The following STXBP5L variants were observed in gnomAD, a reference collection of about 807,000 sequenced individuals.
STXBP5L encodes syntaxin-binding protein 5-like.
In STXBP5L, 65 loss-of-function variants were observed where a neutral mutation model predicts 144.5. The ratio of observed to expected loss-of-function variants is 0.45; its 90% CI spans 0.37 to 0.55. The LOEUF (loss-of-function observed/expected upper bound fraction) is 0.55, where lower values mean the gene tolerates loss of function less well. Ranked by LOEUF, STXBP5L falls within the 20% of genes least tolerant of loss-of-function variation. The pLI is 0.00. For missense variants in STXBP5L, 1,298 were observed against 1,405.5 expected, an observed-to-expected ratio of 0.92 and a Z score of 1.22; for synonymous variants, 505 against 469.6, an observed-to-expected ratio of 1.08 and a Z score of -0.97.
chr3:121,010,799 A>G (rs1422256895), intron 3 of STXBP5L, among the ~76,000 whole-genome samples: 7 of 151,876 alleles, frequency 4.6e-5, no homozygotes, highest in Admixed American at 2.6e-4. Flanking sequence ...ATATTTATTC[A>G]TTTAGTGGAA....
intron 9 of STXBP5L, among the ~76,000 whole-genome samples, chr3:121,199,491 T>A (rs564224777): frequency 6.6e-6 from 1 of 152,348 alleles, no homozygotes; most frequent in East Asian, 1.9e-4. Flanking sequence ...CTTGCCTGAT[T>A]GCCCTGGCCA....
chr3:121,414,265 C>T (rs1243104821), intron 24 of STXBP5L, among the ~76,000 whole-genome samples: 1 of 152,130 alleles, frequency 6.6e-6, no homozygotes, highest in Non-Finnish European at 1.5e-5. Flanking sequence ...CACAATCACA[C>T]TACTCTGTGG....
chr3:121,084,350 G>A (rs1455455365), intron 5 of STXBP5L, among the ~76,000 whole-genome samples: 1 of 152,078 alleles, frequency 6.6e-6, no homozygotes, highest in African/African-American at 2.4e-5. Flanking sequence ...TTATCCTGAT[G>A]CTCTCCCTCC....
At chr3:121,051,344 C>T (rs931002226) in intron 5 of STXBP5L, among the ~76,000 whole-genome samples, 2 of 152,126 alleles carry the variant, frequency 1.3e-5, no homozygotes, top group African/African-American at 4.8e-5. Flanking sequence ...AAGTAAAGCT[C>T]TCCTCAGCAA....
intron 5 of STXBP5L, among the ~76,000 whole-genome samples, chr3:121,063,447 G>A (rs982480454): frequency 1.3e-5 from 2 of 152,206 alleles, no homozygotes; most frequent in Non-Finnish European, 2.9e-5. Flanking sequence ...CTGCTGGGAG[G>A]TGTCTCCCAG....
chr3:121,007,419 C>A (rs922721149), intron 3 of STXBP5L, among the ~76,000 whole-genome samples: 1 of 151,588 alleles, frequency 6.6e-6, no homozygotes, highest in African/African-American at 2.4e-5. Flanking sequence ...TTATTTGCAT[C>A]TATTCTATAT....
chr3:120,946,718 T>G (rs1031033687), intron 2 of STXBP5L, among the ~76,000 whole-genome samples: 1 of 151,750 alleles, frequency 6.6e-6, no homozygotes, highest in African/African-American at 2.4e-5. Context: ...TCTATCCTGG[T>G]CCCTTTGTGT....
chr3:121,188,125 A>C (rs1230937487), intron 9 of STXBP5L, among the ~76,000 whole-genome samples: 1 of 152,148 alleles, frequency 6.6e-6, no homozygotes, highest in Non-Finnish European at 1.5e-5. Flanking sequence ...CAGACAGATC[A>C]TCAAGAGAGA....
chr3:121,073,660 G>A (rs2041900466), intron 5 of STXBP5L, among the ~76,000 whole-genome samples: 1 of 152,154 alleles, frequency 6.6e-6, no homozygotes, highest in South Asian at 2.1e-4. Flanking sequence ...CCTTCTTGAT[G>A]TCTTTGAAGG....
Position 121,240,505 on chromosome 3 carries a change from T to A in STXBP5L, c.1398T>A (p.Thr466=). The part of the protein sequence containing the change: ...GAQTYPEIII[T]GHADGSIKFW... Reference sequence around the variant, plus strand: ...AAACATATCCAGAAATTATTATTACTGGGTAAGTAGATGTGTTTTGTGAGT... The same window carrying A: ...AAACATATCCAGAAATTATTATTACAGGGTAAGTAGATGTGTTTTGTGAGT... The change falls in exon 14 of 27, where the codon ACT becomes ACA. Residue 466 remains threonine (T), a splice_region_variant and synonymous_variant. Transcript: ENST00000471454. 1.2e-6 allele frequency: 2 copies of A among 1,613,266 alleles called. No individual in the cohort carries two copies. The highest frequency in any genetic ancestry group is 8.5e-7 in the Non-Finnish European group (1 of 1,179,522).
chr3:121,376,080 C>T lies in STXBP5L; in HGVS notation c.2177-2636C>T, dbSNP rs557342780. On this transcript the variant is annotated intron_variant, in intron 20 of 26. Coordinates refer to ENST00000471454, the MANE Select transcript of STXBP5L (RefSeq NM_001308330.2). ...GTAGTTTTATACTCTGGAACAAGAC[C>T]GACAATCGTAATTAACTTTTGTTCT... Among the ~76,000 whole-genome samples, 15 of 152,168 alleles carry T rather than the reference C, an allele frequency of 9.9e-5. No individual in the cohort carries two copies. The South Asian group carries it at 1.9e-3, about 19-fold the overall frequency.
intron 10 of STXBP5L, among the ~76,000 whole-genome samples, chr3:121,208,053 A>G (rs1192866023): frequency 6.6e-6 from 1 of 152,208 alleles, no homozygotes; most frequent in Non-Finnish European, 1.5e-5. Context: ...TTGCAGCACT[A>G]TTCACAATAG....
chr3:121,412,853 G>C (rs1051841921), intron 23 of STXBP5L, among the ~76,000 whole-genome samples: 1 of 151,476 alleles, frequency 6.6e-6, no homozygotes, highest in Non-Finnish European at 1.5e-5. Flanking sequence ...GGCCAACATG[G>C]CAAAACCCTG....
At chr3:121,405,857 T>C (rs1224767114) in intron 22 of STXBP5L, among the ~76,000 whole-genome samples, 1 of 152,052 alleles carries the variant, frequency 6.6e-6, no homozygotes, top group Non-Finnish European at 1.5e-5. Context: ...AAGGGCAGCT[T>C]ATTGAGAAAT....
chr3:121,331,901 C>T (rs1381208452), intron 20 of STXBP5L, among the ~76,000 whole-genome samples: 1 of 152,112 alleles, frequency 6.6e-6, no homozygotes, highest in Non-Finnish European at 1.5e-5. Flanking sequence ...AGACAGTGAA[C>T]CTGCTCACAC....
intron 2 of STXBP5L, among the ~76,000 whole-genome samples, chr3:120,919,892 A>G (rs955681508): frequency 6.6e-6 from 1 of 151,614 alleles, no homozygotes; most frequent in Admixed American, 6.6e-5. Flanking sequence ...TCTTTTTTCA[A>G]TGGCTCAGGT....
intron 5 of STXBP5L, among the ~76,000 whole-genome samples, chr3:121,098,826 C>A (rs191678150): frequency 3.3e-5 from 5 of 152,270 alleles, no homozygotes; most frequent in African/African-American, 1.2e-4. Flanking sequence ...CTGTAGGGAG[C>A]ATCCACTTTA....
At chr3:121,039,299 A>G (rs554168606) in intron 3 of STXBP5L, among the ~76,000 whole-genome samples, 1 of 151,882 alleles carries the variant, frequency 6.6e-6, no homozygotes, top group Non-Finnish European at 1.5e-5. Flanking sequence ...AATAGTGTGC[A>G]GCTGTACCTT....
In STXBP5L at chr3:121,424,093, C is replaced by G. The variant is rs547274227; in HGVS notation, c.*4996C>G. 2 of 152,164 alleles carry G rather than the reference C, an allele frequency of 1.3e-5. No homozygotes were observed. The highest frequency in any genetic ancestry group is 2.9e-5 in the Non-Finnish European group (2 of 68,026). The allele number at this position is 152,164 out of a possible 1,614,324, so 9.4% of individuals were successfully genotyped here. The stretch of plus-strand genomic sequence containing the variant: ...ATTTAGACAGTGGAAATTCTCAAAA[C>G]AATCATTTGCTAAATTAGGTCCAAA... On this transcript the variant is annotated 3_prime_UTR_variant, in exon 27 of 27. Transcript: ENST00000471454.
Sources: allele counts gnomAD v4.1 joint callset (sites outside exome capture counted in the v4.1 genomes callset), GRCh38; gene constraint gnomAD v4.1.1; transcripts MANE v1.5; gene names NCBI Gene and HGNC (gene_info 2026-07-23, HGNC 2026-07-21).